The following MN1 variants were observed in gnomAD, a reference collection of about 807,000 sequenced individuals.
MN1 encodes transcriptional activator MN1.
Under a neutral mutation model 86.9 loss-of-function variants are expected in MN1, and 19 were observed. The observed-to-expected ratio is 0.22, with a 90% CI of 0.15 to 0.32. MN1 has a LOEUF of 0.32. Among genes scored for constraint, MN1 ranks in the 10% least tolerant of loss-of-function variants. MN1 has a pLI of 1.00. For synonymous variants in MN1, 928 were observed against 849.6 expected, an observed-to-expected ratio of 1.09 and a Z score of -1.60; for missense variants, 1,841 against 1,862.0, an observed-to-expected ratio of 0.99 and a Z score of 0.21.
At chr22:27,787,385 G>A (rs1026056834) in intron 1 of MN1, among the ~76,000 whole-genome samples, 2 of 152,176 alleles carry the variant, frequency 1.3e-5, no homozygotes, top group South Asian at 4.1e-4. Flanking sequence ...AAAGCATTAA[G>A]GGCTTCTGAA....
Position 27,773,945 on chromosome 22 carries a change from C to T in MN1, c.3781+22818G>A, listed in dbSNP as rs185208188. Among the ~76,000 whole-genome samples the T allele has an allele frequency of 7.2e-3, 1,095 of 152,276 alleles. 8 individuals carry two copies. Among genetic ancestry groups the T allele is most frequent in the Middle Eastern group, 0.02 (6 of 294 alleles). On this transcript the variant is annotated intron_variant, in intron 1 of 1. Coordinates refer to ENST00000302326, the MANE Select transcript of MN1 (RefSeq NM_002430.3). ...TTGGGATTACAGGCGTGAGCCACCG[C>T]GCCCGGCCTTGATCCTTTGATGTAC...
intron 1 of MN1, among the ~76,000 whole-genome samples, chr22:27,774,962 G>C (rs993585514): frequency 2.0e-5 from 3 of 152,182 alleles, no homozygotes; most frequent in Non-Finnish European, 4.4e-5. Context: ...AACTCCACAG[G>C]TGATGGGGAG....
At position 27,798,160 on chromosome 22, in the gene MN1, T is replaced by C; in HGVS notation, c.2384A>G (p.Gln795Arg). The change falls in exon 1 of 2, where the codon CAG (glutamine) becomes CGG (arginine). Residue 795 changes from glutamine (Q) to arginine (R), a missense_variant. Coordinates refer to ENST00000302326, the MANE Select transcript of MN1 (RefSeq NM_002430.3). ...YPPQPDFQPSQRTSASKLGAL... is the reference protein window; with the variant it reads ...YPPQPDFQPSRRTSASKLGAL... ...GCCCAATTTACTGGCCGAGGTGCGC[T>C]GGCTGGGCTGGAAATCAGGCTGCGG... 6.3e-7 allele frequency: 1 copy of C among 1,584,714 alleles called. No individual in the cohort carries two copies. Among genetic ancestry groups the C allele is most frequent in the South Asian group, 1.1e-5 (1 of 87,238 alleles).
intron 1 of MN1, among the ~76,000 whole-genome samples, chr22:27,778,418 A>G (rs1933007534): frequency 6.6e-6 from 1 of 152,242 alleles, no homozygotes; most frequent in Non-Finnish European, 1.5e-5. Flanking sequence ...AGAATGAGCC[A>G]TCCCACAGGG....
chr22:27,794,588 A>G (rs1003106992), intron 1 of MN1, among the ~76,000 whole-genome samples: 1 of 152,174 alleles, frequency 6.6e-6, no homozygotes, highest in Non-Finnish European at 1.5e-5. Context: ...CATTCATCTG[A>G]CTGTGATGAT....
intron 1 of MN1, among the ~76,000 whole-genome samples, chr22:27,788,185 A>G (rs1222791571): frequency 6.6e-6 from 1 of 152,104 alleles, no homozygotes; most frequent in Non-Finnish European, 1.5e-5. Context: ...TCCCTGCCCC[A>G]TCCGTCCCTC....
At chr22:27,777,795 GA>G (rs1932998971) in intron 1 of MN1, among the ~76,000 whole-genome samples, 1 of 151,548 alleles carries the variant, frequency 6.6e-6, no homozygotes. Flanking sequence ...AGAACCGCTT[GA>G]ACCCAGAAGG....
rs1362070900 is a variant in MN1, at chr22:27,800,407, C to T, written c.137G>A (p.Gly46Asp). ...CGCGCTCATAGCAGGATCCACAGGG[C>T]CAGGGGGCCCCCCAGTGTGGAAAGC... is the stretch of plus-strand genomic sequence containing the variant. ...APAFHTGGPP[G>D]PVDPAMSALG... The change falls in exon 1 of 2, where the codon GGC becomes GAC. Residue 46 changes from glycine (G) to aspartate (D), a missense_variant. By Grantham distance (94) the Gly-to-Asp change is moderately conservative (BLOSUM62 -1). Coordinates refer to ENST00000302326, the MANE Select transcript of MN1 (RefSeq NM_002430.3). 1 of 1,614,022 alleles carries T rather than the reference C, an allele frequency of 6.2e-7. No homozygotes were observed. The highest frequency in any genetic ancestry group is 1.7e-5 in the Admixed American group (1 of 60,020).
At chr22:27,756,129 C>T (rs1219841580) in intron 1 of MN1, among the ~76,000 whole-genome samples, 1 of 152,116 alleles carries the variant, frequency 6.6e-6, no homozygotes, top group Admixed American at 6.5e-5. Context: ...AGGGCTGGGC[C>T]CGGGGAGGGC....
At chr22:27,796,618 A>G (rs1933300136) in intron 1 of MN1, 145 bp downstream of exon 1, 1 of 775,318 alleles carries the variant, frequency 1.3e-6, no homozygotes, top group African/African-American at 1.7e-5. Context: ...GTGTAAGCAA[A>G]GGTGGGATAA....
rs773433007 is a variant in MN1 at position 27,750,974 on chromosome 22, G to T, written c.3904C>A (p.Arg1302=). ...AKARASVPTW[R]SLHSDISNRF... is the part of the protein sequence containing the mutation. ...TTGGAGATGTCAGAATGCAGGGACC[G>T]CCAGGTGGGCACGGAGGCTCGAGCC... is the stretch of plus-strand genomic sequence containing the variant. The change falls in exon 2 of 2, where the codon CGG becomes AGG. Residue 1302 remains arginine, a synonymous_variant. Transcript: ENST00000302326. The T allele has an allele frequency of 1.2e-6, 2 of 1,612,356 alleles. No homozygotes were observed. Among genetic ancestry groups the T allele is most frequent in the Non-Finnish European group, 1.7e-6 (2 of 1,179,132 alleles).
At chr22:27,795,277 A>C (rs1933274919) in intron 1 of MN1, among the ~76,000 whole-genome samples, 1 of 152,180 alleles carries the variant, frequency 6.6e-6, no homozygotes, top group African/African-American at 2.4e-5. Context: ...TTCATGAATT[A>C]GAAAACCTAA....
In MN1 at chr22:27,800,065, T is replaced by C; in HGVS notation, c.479A>G (p.Gln160Arg). 6.3e-7 allele frequency: 1 copy of C among 1,599,854 alleles called. No homozygotes were observed. Among genetic ancestry groups the C allele is most frequent in the Non-Finnish European group, 8.5e-7 (1 of 1,178,682 alleles). ...AEGYEHMAES[Q>R]GPESFGPQRP... ...CTGCGGGCCGAAGCTCTCAGGCCCC[T>C]GGCTCTCCGCCATGTGCTCATAGCC... The change falls in exon 1 of 2, where the codon CAG becomes CGG. Residue 160 changes from glutamine to arginine, a missense_variant. By Grantham distance (43) the Gln-to-Arg change is conservative. Coordinates refer to ENST00000302326, the MANE Select transcript of MN1 (RefSeq NM_002430.3).
chr22:27,785,731 A>T (rs1933122943), intron 1 of MN1, among the ~76,000 whole-genome samples: 1 of 131,600 alleles, frequency 7.6e-6, no homozygotes, highest in Admixed American at 8.3e-5. Context: ...TATAGCTGAT[A>T]CAGGTAACAG....
rs1413770513 is a variant in MN1, at chr22:27,798,297, A to T, written c.2247T>A (p.Gly749=). The part of the protein sequence containing the change: ...ALGGQPGFPF[G]AAGRQSTPHS... ...GCGGCGTGGACTGCCGGCCGGCTGC[A>T]CCAAACGGAAAGCCCGGCTGGCCCC... The change falls in exon 1 of 2, where the codon GGT becomes GGA. Residue 749 remains glycine, a synonymous_variant. Transcript: ENST00000302326. 1 of 1,525,760 alleles carries T rather than the reference A, an allele frequency of 6.6e-7. No homozygotes were observed. The highest frequency in any genetic ancestry group is 8.7e-7 in the Non-Finnish European group (1 of 1,146,536). The allele number at this position is 1,525,760 out of a possible 1,614,324, so 94.5% of individuals were successfully genotyped here.
rs1933359472 is a variant in MN1 at position 27,798,673 on chromosome 22, T to C, written c.1871A>G (p.His624Arg). ...GAACCACGCGCTCTCTTGCGCCAAGTGCGGCGCCTGCTGCTCGAAGGTGCC... is the reference window on the plus strand; with the variant it reads ...GAACCACGCGCTCTCTTGCGCCAAGCGCGGCGCCTGCTGCTCGAAGGTGCC... ...RLGTFEQQAP[H>R]LAQESAWFSG... The change falls in exon 1 of 2, where the codon CAC (histidine) becomes CGC (arginine). Residue 624 changes from histidine (H) to arginine (R), a missense_variant. By Grantham distance (29) the His-to-Arg change is conservative. Coordinates refer to ENST00000302326, the MANE Select transcript of MN1 (RefSeq NM_002430.3). The C allele has an allele frequency of 1.9e-6, 3 of 1,543,662 alleles. No homozygotes were observed. Among genetic ancestry groups the C allele is most frequent in the Admixed American group, 1.9e-5 (1 of 51,820 alleles).
At chr22:27,756,613 G>A (rs2267107) in intron 1 of MN1, among the ~76,000 whole-genome samples, 28,642 of 152,068 alleles carry the variant, frequency 0.19, 3,642 homozygotes, top group East Asian at 0.42. Flanking sequence ...CTCTTCTCTA[G>A]TACGGGAGGA....
chr22:27,766,035 C>T (rs1238602609), intron 1 of MN1, among the ~76,000 whole-genome samples: 4 of 152,166 alleles, frequency 2.6e-5, no homozygotes, highest in Non-Finnish European at 2.9e-5. Context: ...GCAAACAACC[C>T]CCAACTTGCT....
intron 1 of MN1, among the ~76,000 whole-genome samples, chr22:27,790,690 G>T (rs537042054): frequency 2.0e-5 from 3 of 151,824 alleles, no homozygotes; most frequent in East Asian, 1.9e-4. Flanking sequence ...GGGTAGGTGG[G>T]GGGGGAGTAA....
Sources: allele counts gnomAD v4.1 joint callset (sites outside exome capture counted in the v4.1 genomes callset), GRCh38; gene constraint gnomAD v4.1.1; transcripts MANE v1.5; gene names NCBI Gene and HGNC (gene_info 2026-07-23, HGNC 2026-07-21).